PSD3: variants seen among roughly 807,000 people sequenced by gnomAD.
PSD3 encodes pleckstrin and Sec7 domain containing 3.
In PSD3, 49 loss-of-function variants were observed where a neutral mutation model predicts 105.5. The observed-to-expected ratio is 0.46, with a 90% CI of 0.37 to 0.59. The LOEUF (loss-of-function observed/expected upper bound fraction) is 0.59. Ranked by LOEUF, PSD3 falls within the 20% of genes least tolerant of loss-of-function variation. The pLI is 0.00. For missense variants in PSD3, 1,561 were observed against 1,263.8 expected, an observed-to-expected ratio of 1.24 and a Z score of -3.57; for synonymous variants, 557 against 457.8, an observed-to-expected ratio of 1.22 and a Z score of -2.77.
chr8:18,736,361 A>T (rs944660838), intron 9 of PSD3, among the ~76,000 whole-genome samples: 1 of 152,220 alleles, frequency 6.6e-6, no homozygotes, highest in African/African-American at 2.4e-5. Flanking sequence ...CAAATGTGTT[A>T]ATATATTTAA....
chr8:18,778,210 GTT>G (rs899548742), intron 8 of PSD3, among the ~76,000 whole-genome samples: 3 of 152,056 alleles, frequency 2.0e-5, no homozygotes, highest in Non-Finnish European at 4.4e-5. Flanking sequence ...TTATTCCCAG[GTT>G]TTTTCTTTTG....
chr8:18,891,988 A>G (rs1346334067), intron 2 of PSD3, among the ~76,000 whole-genome samples: 2 of 152,190 alleles, frequency 1.3e-5, no homozygotes, highest in Non-Finnish European at 2.9e-5. Flanking sequence ...CACACAGTTA[A>G]AAGAATAAGA....
chr8:18,780,859 T>A (rs1808554267), intron 8 of PSD3, among the ~76,000 whole-genome samples: 1 of 152,098 alleles, frequency 6.6e-6, no homozygotes, highest in East Asian at 1.9e-4. Context: ...TGGCCCAGAG[T>A]TTTATACTTT....
intron 2 of PSD3, among the ~76,000 whole-genome samples, chr8:18,889,282 C>T (rs77773281): frequency 0.013 from 2,026 of 152,176 alleles, 43 homozygotes; most frequent in African/African-American, 0.046. Flanking sequence ...ATTATATTCT[C>T]TTATTATCTG....
intron 4 of PSD3, among the ~76,000 whole-genome samples, chr8:18,821,717 A>ACACCCCCACC: frequency 1.4e-5 from 2 of 141,228 alleles, no homozygotes; most frequent in South Asian, 4.5e-4. Flanking sequence ...ACACACACAC[A>ACACCCCCACC]CCCCAATAAC....
At chr8:18,665,755 G>C (rs1799415289) in intron 9 of PSD3, among the ~76,000 whole-genome samples, 1 of 152,230 alleles carries the variant, frequency 6.6e-6, no homozygotes, top group Admixed American at 6.5e-5. Flanking sequence ...AGAGGCTGAG[G>C]TGAGAAGACT....
At chr8:18,793,396 G>C (rs1422063228) in intron 8 of PSD3, among the ~76,000 whole-genome samples, 1 of 149,542 alleles carries the variant, frequency 6.7e-6, no homozygotes, top group African/African-American at 2.5e-5. Context: ...AACAAAACTG[G>C]GTGACGAGAT....
chr8:18,750,150 T>C (rs985324508), intron 9 of PSD3, among the ~76,000 whole-genome samples: 8 of 152,214 alleles, frequency 5.3e-5, no homozygotes, highest in Admixed American at 6.5e-5. Context: ...TCCTATTTAA[T>C]AGTTCAAGTC....
In PSD3 at chr8:18,965,811, T is replaced by C. The variant is rs375144276; in HGVS notation, c.22-29669A>G. Reference sequence around the variant, plus strand: ...GATGGATCTGAAGCTTAATACAGAATTGTAATGCGAAAAGCAACACGTGAA... The same window carrying C: ...GATGGATCTGAAGCTTAATACAGAACTGTAATGCGAAAAGCAACACGTGAA... On this transcript the variant is annotated intron_variant, in intron 1 of 15. Coordinates refer to ENST00000327040, the MANE Select transcript of PSD3 (RefSeq NM_015310.4). Among the ~76,000 whole-genome samples the C allele has an allele frequency of 1.7e-4, 26 of 152,310 alleles. 1 individual carries two copies. The South Asian group carries it at 4.8e-3, about 28-fold the overall frequency.
intron 8 of PSD3, among the ~76,000 whole-genome samples, chr8:18,791,792 C>A (rs1809742917): frequency 6.6e-6 from 1 of 152,154 alleles, no homozygotes; most frequent in South Asian, 2.1e-4. Context: ...AACAGACAAC[C>A]TACAGAATGC....
At chr8:18,728,098 G>C (rs1283328329) in intron 9 of PSD3, among the ~76,000 whole-genome samples, 2 of 151,994 alleles carry the variant, frequency 1.3e-5, no homozygotes, top group Non-Finnish European at 1.5e-5. Context: ...GTAGAAGAGA[G>C]AGTGTTAAAC....
At chr8:18,626,071 T>C (rs1480158292) in intron 11 of PSD3, among the ~76,000 whole-genome samples, 1 of 152,150 alleles carries the variant, frequency 6.6e-6, no homozygotes, top group Non-Finnish European at 1.5e-5. Flanking sequence ...AAGCTTTCCC[T>C]TAATGTCAGA....
chr8:18,838,188 T>C lies in PSD3; in HGVS notation c.1634+29486A>G, dbSNP rs113779310. ...TTACAACCCTGAGTGGGACTTTTAATTTCTAAAACAATATTCTGCCAATGA... is the reference window on the plus strand; with the variant it reads ...TTACAACCCTGAGTGGGACTTTTAACTTCTAAAACAATATTCTGCCAATGA... On this transcript the variant is annotated intron_variant, in intron 4 of 15. Coordinates refer to ENST00000327040, the MANE Select transcript of PSD3 (RefSeq NM_015310.4). Among the ~76,000 whole-genome samples the C allele has an allele frequency of 7.0e-3, 1,066 of 152,360 alleles. 16 individuals are homozygous for C. Among genetic ancestry groups the C allele is most frequent in the African/African-American group, 0.024 (977 of 41,574 alleles).
intron 1 of PSD3, among the ~76,000 whole-genome samples, chr8:18,959,753 C>A (rs17469038): frequency 0.41 from 61,741 of 152,004 alleles, 12,778 homozygotes; most frequent in African/African-American, 0.44. Flanking sequence ...CACAGCTAGA[C>A]AAACTCAAGC....
intron 4 of PSD3, among the ~76,000 whole-genome samples, chr8:18,805,129 T>C (rs1040471066): frequency 6.6e-6 from 1 of 152,210 alleles, no homozygotes; most frequent in South Asian, 2.1e-4. Context: ...TCTAGACCTT[T>C]ACATTCTTAG....
chr8:18,760,275 A>T (rs922425237), intron 9 of PSD3, among the ~76,000 whole-genome samples: 2 of 152,266 alleles, frequency 1.3e-5, no homozygotes, highest in South Asian at 2.1e-4. Flanking sequence ...GAACATTCAA[A>T]ATCTATTCTC....
rs1489989714 is a variant in PSD3 at position 18,624,714 on chromosome 8, G to C, written c.2410+7899C>G. Among the ~76,000 whole-genome samples the C allele has an allele frequency of 1.4e-5, 2 of 147,736 alleles. 1 individual carries two copies. Among genetic ancestry groups the C allele is most frequent in the East Asian group, 4.0e-4 (2 of 5,060 alleles). Reference sequence around the variant, plus strand: ...AAAAAAGAATAAAAGAAAAAATAATGAAAAAAAAAATTTCTTTATAAATAT... The same window carrying C: ...AAAAAAGAATAAAAGAAAAAATAATCAAAAAAAAAATTTCTTTATAAATAT... On this transcript the variant is annotated intron_variant, in intron 11 of 15. Transcript: ENST00000327040.
intron 10 of PSD3, among the ~76,000 whole-genome samples, chr8:18,634,859 T>C (rs866721414): frequency 2.6e-5 from 4 of 152,160 alleles, no homozygotes; most frequent in Non-Finnish European, 5.9e-5. Flanking sequence ...CACAGGTTCC[T>C]CTACAGTAAA....
chr8:18,647,724 G>T (rs1170053955), intron 10 of PSD3, among the ~76,000 whole-genome samples: 3 of 147,946 alleles, frequency 2.0e-5, no homozygotes, highest in Admixed American at 7.0e-5. Flanking sequence ...CAAATTTCAT[G>T]CTGGATTGTA....
Sources: allele counts gnomAD v4.1 joint callset (sites outside exome capture counted in the v4.1 genomes callset), GRCh38; gene constraint gnomAD v4.1.1; transcripts MANE v1.5; gene names NCBI Gene and HGNC (gene_info 2026-07-23, HGNC 2026-07-21).